Variants in EHBP1 observed in about 807,000 individuals in gnomAD.
EHBP1 encodes EH domain binding protein 1, also known as EH domain-binding protein 1.
A neutral mutation model predicts 144.0 loss-of-function variants in EHBP1; 55 were observed. The ratio of observed to expected loss-of-function variants is 0.38; its 90% confidence interval spans 0.31 to 0.48. EHBP1 has a LOEUF of 0.48. EHBP1 is among the 20% of genes least tolerant of loss of function. EHBP1 has a pLI of 0.98. For synonymous variants in EHBP1, 469 were observed against 472.7 expected, an observed-to-expected ratio of 0.99 and a Z score of 0.10; for missense variants, 1,200 against 1,364.2, an observed-to-expected ratio of 0.88 and a Z score of 1.90.
rs1401830931 is a variant in EHBP1, at chr2:62,984,608, T to G, written c.2608+5273T>G. Reference sequence around the variant, plus strand: ...CAGTTAGAGCATTTCTTACAGGTGTTAGGAAATATGTAACATTAACTGTTC... The same window carrying G: ...CAGTTAGAGCATTTCTTACAGGTGTGAGGAAATATGTAACATTAACTGTTC... On this transcript the variant is annotated intron_variant, in intron 15 of 22. Coordinates refer to ENST00000431489, the MANE Select transcript of EHBP1 (RefSeq NM_001142616.3). Among the ~76,000 whole-genome samples the G allele has an allele frequency of 2.6e-5, 4 of 152,224 alleles. No homozygotes were observed. In the East Asian group the frequency reaches 7.7e-4, roughly 29 times the overall value.
intron 1 of EHBP1, among the ~76,000 whole-genome samples, chr2:62,695,085 G>C (rs2034039551): frequency 6.6e-6 from 1 of 152,152 alleles, no homozygotes; most frequent in African/African-American, 2.4e-5. Flanking sequence ...GTGAAGACTG[G>C]GTGCAGTGGC....
chr2:62,694,211 C>T (rs999761494), intron 1 of EHBP1, among the ~76,000 whole-genome samples: 2 of 152,114 alleles, frequency 1.3e-5, no homozygotes, highest in African/African-American at 4.8e-5. Context: ...AAAGATTAAA[C>T]TCTTTGGGCT....
intron 5 of EHBP1, among the ~76,000 whole-genome samples, chr2:62,819,858 A>G (rs1188154028): frequency 5.9e-5 from 9 of 152,178 alleles, no homozygotes; most frequent in Admixed American, 5.2e-4. Context: ...ATTGAATATT[A>G]GGAGCGATGA....
chr2:62,757,081 G>T (rs953654627), intron 3 of EHBP1, among the ~76,000 whole-genome samples: 3 of 152,106 alleles, frequency 2.0e-5, no homozygotes, highest in African/African-American at 4.8e-5. Flanking sequence ...TTGCTGCTAA[G>T]TACCACTGAA....
In EHBP1 at chr2:62,850,889, T is replaced by C. The variant is rs141684049; in HGVS notation, c.635-8280T>C. On this transcript the variant is annotated intron_variant, in intron 7 of 22. Coordinates refer to ENST00000431489, the MANE Select transcript of EHBP1 (RefSeq NM_001142616.3). Reference sequence around the variant, plus strand: ...GAAGGAGAAATACATAACAAAATTATATATTTTAGGGTTTTGACCCACATA... The same window carrying C: ...GAAGGAGAAATACATAACAAAATTACATATTTTAGGGTTTTGACCCACATA... Among the ~76,000 whole-genome samples the C allele has an allele frequency of 1.1e-3, 168 of 152,278 alleles. 2 individuals carry two copies. In the East Asian group the frequency reaches 0.029, roughly 26 times the overall value.
intron 10 of EHBP1, among the ~76,000 whole-genome samples, chr2:62,880,652 A>C (rs1305602045): frequency 1.3e-5 from 2 of 152,170 alleles, no homozygotes; most frequent in Admixed American, 6.5e-5. Context: ...ATGAGAAAAA[A>C]TGCTCAACAT....
At chr2:62,862,864 TAGAC>T (rs2049694594) in intron 8 of EHBP1, among the ~76,000 whole-genome samples, 1 of 152,176 alleles carries the variant, frequency 6.6e-6, no homozygotes, top group Non-Finnish European at 1.5e-5. Context: ...CAGCAAATCT[TAGAC>T]AGTTTTATTA....
chr2:62,865,772 T>C (rs2049988082), intron 9 of EHBP1, among the ~76,000 whole-genome samples: 1 of 152,116 alleles, frequency 6.6e-6, no homozygotes, highest in Non-Finnish European at 1.5e-5. Flanking sequence ...TGTAACTTAT[T>C]TGTGGGAGAG....
At chr2:62,870,108 ACT>A (rs1346066721) in intron 9 of EHBP1, among the ~76,000 whole-genome samples, 7 of 152,072 alleles carry the variant, frequency 4.6e-5, no homozygotes, top group South Asian at 2.1e-4. Context: ...ATTTCAAAAC[ACT>A]CTATATGTGG....
intron 9 of EHBP1, among the ~76,000 whole-genome samples, chr2:62,872,404 G>T (rs1269296962): frequency 6.6e-6 from 1 of 151,978 alleles, no homozygotes; most frequent in Non-Finnish European, 1.5e-5. Context: ...AATCATAGAT[G>T]ATCAACAGAA....
chr2:62,737,759 TA>T (rs200287718), intron 2 of EHBP1, among the ~76,000 whole-genome samples: 3 of 150,928 alleles, frequency 2.0e-5, no homozygotes, highest in African/African-American at 7.3e-5. Context: ...TGTCTGTCTT[TA>T]AAAAAAAAGA....
chr2:62,996,107 C>G (rs1361575523), intron 18 of EHBP1, among the ~76,000 whole-genome samples: 1 of 152,018 alleles, frequency 6.6e-6, no homozygotes. Context: ...CCCTTTTTAT[C>G]ATTTTTAAAG....
intron 6 of EHBP1, among the ~76,000 whole-genome samples, chr2:62,826,907 T>G (rs185390912): frequency 2.6e-5 from 4 of 152,330 alleles, no homozygotes; most frequent in East Asian, 3.9e-4. Context: ...TCACCCTGGT[T>G]ATTGCATACA....
intron 10 of EHBP1, among the ~76,000 whole-genome samples, chr2:62,880,060 A>G (rs1474752922): frequency 6.6e-6 from 1 of 152,210 alleles, no homozygotes; most frequent in African/African-American, 2.4e-5. Context: ...ATAAAGCCAC[A>G]CAACTACGAC....
chr2:62,881,149 C>T (rs924210410), intron 10 of EHBP1, among the ~76,000 whole-genome samples: 4 of 151,892 alleles, frequency 2.6e-5, no homozygotes, highest in African/African-American at 9.7e-5. Context: ...AACGGAAAAC[C>T]AAATACTGCA....
chr2:62,772,401 G>A (rs2041740828), intron 5 of EHBP1, among the ~76,000 whole-genome samples: 1 of 152,168 alleles, frequency 6.6e-6, no homozygotes, highest in African/African-American at 2.4e-5. Context: ...AAAGAAGACA[G>A]CCCATCCAAA....
At chr2:63,033,200 G>A (rs534003112) in intron 19 of EHBP1, among the ~76,000 whole-genome samples, 154 of 152,196 alleles carry the variant, frequency 1.0e-3, no homozygotes, top group Non-Finnish European at 1.5e-3. Flanking sequence ...CAGTTACTTG[G>A]ATACCTTCAT....
intron 9 of EHBP1, among the ~76,000 whole-genome samples, 176 bp from the exon 10 acceptor site, chr2:62,874,170 A>G (rs1383832746): frequency 1.3e-5 from 2 of 152,196 alleles, no homozygotes; most frequent in Non-Finnish European, 2.9e-5. Flanking sequence ...TAAAAAATAA[A>G]TCTGGATAGA....
At chr2:62,880,289 A>G (rs1471860792) in intron 10 of EHBP1, among the ~76,000 whole-genome samples, 1 of 151,768 alleles carries the variant, frequency 6.6e-6, no homozygotes, top group Non-Finnish European at 1.5e-5. Flanking sequence ...AGGAAATACC[A>G]TTATGTGATA....
Sources: allele counts gnomAD v4.1 joint callset (sites outside exome capture counted in the v4.1 genomes callset), GRCh38; gene constraint gnomAD v4.1.1; transcripts MANE v1.5; gene names NCBI Gene and HGNC (gene_info 2026-07-23, HGNC 2026-07-21).